The following GPHN variants were observed in gnomAD, a reference collection of about 807,000 sequenced individuals.
GPHN encodes the protein gephyrin.
Under a neutral mutation model 95.5 loss-of-function variants are expected in GPHN, and 17 were observed. That is an observed-to-expected ratio of 0.18 (90% CI 0.12 to 0.27). GPHN has a LOEUF of 0.27. Ranked by LOEUF, GPHN falls within the 10% of genes least tolerant of loss-of-function variation. GPHN has a pLI of 1.00. For synonymous variants in GPHN, 320 were observed against 322.5 expected, an observed-to-expected ratio of 0.99 and a Z score of 0.08; for missense variants, 660 against 978.1, an observed-to-expected ratio of 0.67 and a Z score of 4.34.
At chr14:67,694,447 T>C in the GPHN span, among the ~76,000 whole-genome samples, 17 of 140,494 alleles carry the variant, frequency 1.2e-4, no homozygotes, top group Non-Finnish European at 2.2e-4. Context: ...TATATATATA[T>C]ATATACACAC....
intron 5 of GPHN, among the ~76,000 whole-genome samples, chr14:66,898,207 C>T (rs1282137150): frequency 6.6e-6 from 1 of 151,876 alleles, no homozygotes; most frequent in African/African-American, 2.4e-5. Context: ...ACTTAATTTC[C>T]ATGAGGTCCA....
chr14:66,830,293 A>G (rs1364050191), intron 4 of GPHN, among the ~76,000 whole-genome samples: 8 of 152,270 alleles, frequency 5.3e-5, no homozygotes, highest in African/African-American at 1.9e-4. Context: ...GAGCAAAGAA[A>G]AAATGCTTTT....
chr14:66,775,878 C>T (rs897434322), intron 2 of GPHN, among the ~76,000 whole-genome samples: 2 of 152,142 alleles, frequency 1.3e-5, no homozygotes, highest in African/African-American at 4.8e-5. Flanking sequence ...ATCTCTTCCC[C>T]TTGGACAGTG....
intron 2 of GPHN, among the ~76,000 whole-genome samples, chr14:66,720,986 A>G (rs2070690005): frequency 1.3e-5 from 2 of 152,254 alleles, no homozygotes; most frequent in African/African-American, 4.8e-5. Context: ...TTTTGAAGAA[A>G]AGGTTATTAA....
At chr14:67,313,589 A>C in the GPHN span, among the ~76,000 whole-genome samples, 1 of 152,178 alleles carries the variant, frequency 6.6e-6, no homozygotes, top group South Asian at 2.1e-4. Flanking sequence ...TTAATAAGCT[A>C]TCGGAGAAGG....
chr14:67,193,454 T>G, the GPHN span, among the ~76,000 whole-genome samples: 421 of 143,290 alleles, frequency 2.9e-3, 3 homozygotes, highest in Admixed American at 4.3e-3. Flanking sequence ...CAGATCTCTA[T>G]ATATCTAGAT....
intron 4 of GPHN, among the ~76,000 whole-genome samples, chr14:66,875,784 AC>A (rs900755199): frequency 2.0e-5 from 3 of 152,122 alleles, no homozygotes; most frequent in Admixed American, 1.3e-4. Context: ...AGAGACTTAG[AC>A]TCCCACACAA....
chr14:67,583,813 C>G, the GPHN span: 1 of 1,613,070 alleles, frequency 6.2e-7, no homozygotes, highest in South Asian at 1.1e-5. Context: ...GGCTCAGCAT[C>G]TTCTCCAGCA....
chr14:67,474,351 G>T, the GPHN span, among the ~76,000 whole-genome samples: 1 of 152,100 alleles, frequency 6.6e-6, no homozygotes, highest in Middle Eastern at 3.2e-3. Context: ...TTAGAGGGAG[G>T]TGTCTGTACT....
chr14:67,110,864 C>A (rs1205299745), intron 14 of GPHN, among the ~76,000 whole-genome samples: 3 of 152,192 alleles, frequency 2.0e-5, no homozygotes, highest in Admixed American at 1.3e-4. Context: ...AGTTCTCCCT[C>A]CATTGCCTCA....
chr14:67,245,324 A>G, the GPHN span, among the ~76,000 whole-genome samples: 2 of 152,116 alleles, frequency 1.3e-5, no homozygotes, highest in Non-Finnish European at 2.9e-5. Context: ...TGGTATGGTC[A>G]GTCTTTAGAT....
the GPHN span, among the ~76,000 whole-genome samples, chr14:67,441,632 T>C: frequency 6.6e-6 from 1 of 152,194 alleles, no homozygotes; most frequent in South Asian, 2.1e-4. Flanking sequence ...TGGCTGGGAT[T>C]ACTATTTGAA....
chr14:67,095,980 AAAAAAAG>A (rs1180041910), intron 12 of GPHN, among the ~76,000 whole-genome samples: 76 of 151,038 alleles, frequency 5.0e-4, no homozygotes, highest in African/African-American at 1.8e-3. Context: ...AAAAAAAAAA[AAAAAAAG>A]AATTTAGAAT....
the GPHN span, among the ~76,000 whole-genome samples, chr14:67,428,403 G>A: frequency 2.0e-5 from 3 of 152,332 alleles, no homozygotes; most frequent in East Asian, 3.9e-4. Context: ...CTAACACTTA[G>A]AGCACTTATG....
chr14:67,170,590 G>A (rs1398541574), intron 21 of GPHN, among the ~76,000 whole-genome samples: 1 of 152,194 alleles, frequency 6.6e-6, no homozygotes, highest in East Asian at 1.9e-4. Flanking sequence ...TGACAACAAA[G>A]ATGAGATGGT....
intron 2 of GPHN, among the ~76,000 whole-genome samples, chr14:66,757,575 A>C (rs2058609160): frequency 1.3e-5 from 2 of 152,276 alleles, no homozygotes; most frequent in South Asian, 4.1e-4. Context: ...TTTTTAGTAG[A>C]GACAGGGTTT....
At chr14:66,659,040 G>C (rs990290635) in intron 1 of GPHN, among the ~76,000 whole-genome samples, 1 of 151,498 alleles carries the variant, frequency 6.6e-6, no homozygotes, top group Non-Finnish European at 1.5e-5. Flanking sequence ...TTATTGATTT[G>C]AGACTTTTAC....
chr14:67,617,486 G>A, the GPHN span: 1 of 152,218 alleles, frequency 6.6e-6, no homozygotes, highest in Non-Finnish European at 1.5e-5. Context: ...TATCATGTAG[G>A]TGCTGAAATT....
At chr14:66,520,863 C>A (rs908680562) in intron 1 of GPHN, among the ~76,000 whole-genome samples, 1 of 152,020 alleles carries the variant, frequency 6.6e-6, no homozygotes, top group African/African-American at 2.4e-5. Flanking sequence ...CTTCCCACCC[C>A]CTACCCTCAA....
Sources: gnomAD v4.1 joint callset for allele counts (sites outside exome capture counted in the v4.1 genomes callset) on GRCh38, gnomAD v4.1.1 for gene constraint, MANE v1.5 for transcripts, NCBI Gene and HGNC (gene_info 2026-07-23, HGNC 2026-07-21) for gene names.